Variants in SMG6 observed in about 807,000 individuals in gnomAD.
SMG6 encodes the protein SMG6 nonsense mediated mRNA decay factor.
A neutral mutation model predicts 142.2 loss-of-function variants in SMG6; 66 were observed. The observed-to-expected ratio is 0.46, with a 90% CI of 0.38 to 0.57. The LOEUF is 0.57. Among genes scored for constraint, SMG6 ranks in the 20% least tolerant of loss-of-function variants. The pLI, the probability that SMG6 is intolerant of heterozygous loss-of-function variation, is 0.00. For missense variants in SMG6, 1,793 were observed against 1,832.0 expected, an observed-to-expected ratio of 0.98 and a Z score of 0.39; for synonymous variants, 779 against 702.4, an observed-to-expected ratio of 1.11 and a Z score of -1.72.
chr17:2,256,937 A>G (rs573982933), intron 8 of SMG6, among the ~76,000 whole-genome samples: 1 of 150,014 alleles, frequency 6.7e-6, no homozygotes, highest in East Asian at 2.0e-4. Context: ...GTAATGTGGC[A>G]AAACCCAGAC....
At chr17:2,238,197 C>A (rs1044273421) in intron 9 of SMG6, among the ~76,000 whole-genome samples, 1 of 152,076 alleles carries the variant, frequency 6.6e-6, no homozygotes, top group Admixed American at 6.5e-5. Context: ...CCCCTGGTGC[C>A]CAGAAGTCGT....
chr17:2,170,070 G>C (rs528646856), intron 13 of SMG6, among the ~76,000 whole-genome samples: 6 of 152,318 alleles, frequency 3.9e-5, no homozygotes, highest in Non-Finnish European at 7.4e-5. Context: ...CATTTACCAA[G>C]ATGGGGAAGG....
At chr17:2,148,363 C>T (rs994034517) in intron 13 of SMG6, among the ~76,000 whole-genome samples, 88 of 152,144 alleles carry the variant, frequency 5.8e-4, no homozygotes, top group African/African-American at 2.1e-3. Context: ...CCCAAGTGTC[C>T]ATCAACAGGT....
At chr17:2,087,552 G>C in intron 13 of SMG6, 1 of 1,019,984 alleles carries the variant, frequency 9.8e-7, no homozygotes, top group South Asian at 3.7e-5. Flanking sequence ...GAAGGTTCTC[G>C]GCTACCCAGA....
intron 8 of SMG6, among the ~76,000 whole-genome samples, chr17:2,255,403 CAAAAAAAAAAA>C (rs60136702): frequency 1.4e-5 from 1 of 73,598 alleles, no homozygotes; most frequent in Non-Finnish European, 2.6e-5. Context: ...GACTCCGTCT[CAAAAAAAAAAA>C]AAAAAAAAAA....
At chr17:2,101,755 T>C (rs974346359) in intron 13 of SMG6, 2 of 152,130 alleles carry the variant, frequency 1.3e-5, no homozygotes, top group Non-Finnish European at 2.9e-5. Context: ...CACAACCTCA[T>C]GAAGTAGATA....
chr17:2,074,680 T>TC (rs1425382074), intron 15 of SMG6, among the ~76,000 whole-genome samples: 1 of 152,236 alleles, frequency 6.6e-6, no homozygotes, highest in African/African-American at 2.4e-5. Flanking sequence ...TCTTGCAGTT[T>TC]CCATTGTCAT....
At chr17:2,109,386 C>G (rs982966294) in intron 13 of SMG6, among the ~76,000 whole-genome samples, 2 of 152,098 alleles carry the variant, frequency 1.3e-5, no homozygotes, top group Non-Finnish European at 2.9e-5. Flanking sequence ...GCCTCAGCCT[C>G]GTAAGTAGCT....
In SMG6 at chr17:2,085,678, G is replaced by C. The variant is rs757307027; in HGVS notation, c.3534+47C>G. On this transcript the variant is annotated intron_variant, in intron 14 of 18. Transcript: ENST00000263073. This position sits in a 1 kb window ranked among gnomAD's most constrained non-coding sequence, Gnocchi z 4.1. Reference sequence around the variant, plus strand: ...AAAAGCTGAAGCCACGAGCAGAATGGGGAGGGGGCCTTCCCTCTGCCACAG... The same window carrying C: ...AAAAGCTGAAGCCACGAGCAGAATGCGGAGGGGGCCTTCCCTCTGCCACAG... 6.4e-7 allele frequency: 1 copy of C among 1,562,610 alleles called. No individual in the cohort carries two copies. Among genetic ancestry groups the C allele is most frequent in the Non-Finnish European group, 8.7e-7 (1 of 1,149,078 alleles).
Position 2,061,549 on chromosome 17 carries a change from T to C in SMG6, c.4203A>G (p.Thr1401=). 5 of 1,574,124 alleles carry C rather than the reference T, an allele frequency of 3.2e-6. No individual in the cohort carries two copies. The highest frequency in any genetic ancestry group is 2.3e-5 in the East Asian group (1 of 42,574). The change falls in exon 19 of 19, where the codon ACA becomes ACG. Residue 1401 remains threonine, a synonymous_variant. Coordinates refer to ENST00000263073, the MANE Select transcript of SMG6 (RefSeq NM_017575.5). ...DDRNLRVKAL[T]RNVPVRDIPA... Reference sequence around the variant, plus strand: ...GGATGTCCCGTACAGGAACATTCCTTGTGAGCGCCTTCACACGCAGGTTCC... The same window carrying C: ...GGATGTCCCGTACAGGAACATTCCTCGTGAGCGCCTTCACACGCAGGTTCC...
intron 8 of SMG6, chr17:2,266,101 TG>T: frequency 1.0e-6 from 1 of 985,432 alleles, no homozygotes; most frequent in Non-Finnish European, 1.2e-6. Context: ...CTGTTCACCA[TG>T]CGTGCCACTC....
rs770309657 is a variant in SMG6, at chr17:2,186,678, A to G, written c.3140T>C (p.Leu1047Pro). ...GTCAACTCACTGCGAGGGCAGATCC[A>G]GGGATGTGGGAGGAGGATTCCAGGT... Reference protein sequence around the residue: ...PDTWNPPPTSLDLPSHVAVDV... With the variant: ...PDTWNPPPTSPDLPSHVAVDV... The change falls in exon 12 of 19, where the codon CTG (leucine) becomes CCG (proline). Residue 1047 changes from leucine (L) to proline (P), a missense_variant. Coordinates refer to ENST00000263073, the MANE Select transcript of SMG6 (RefSeq NM_017575.5). The G allele has an allele frequency of 2.5e-6, 4 of 1,614,122 alleles. No homozygotes were observed. The East Asian group carries it at 6.7e-5, about 27-fold the overall frequency.
At chr17:2,121,638 T>C (rs1350505380) in intron 13 of SMG6, among the ~76,000 whole-genome samples, 1 of 62,120 alleles carries the variant, frequency 1.6e-5, no homozygotes, top group Non-Finnish European at 3.6e-5. Context: ...TGTGTGTGTG[T>C]GTGTGTGTAG....
At chr17:2,282,279 T>C (rs2151378867) in intron 8 of SMG6, among the ~76,000 whole-genome samples, 1 of 151,258 alleles carries the variant, frequency 6.6e-6, no homozygotes, top group Admixed American at 6.6e-5. Context: ...AACCTATCCA[T>C]GCTACTTTAG....
rs369438940 is a variant in SMG6, at chr17:2,153,106, G to A, written c.3357+19552C>T. On this transcript the variant is annotated intron_variant, in intron 13 of 18. Transcript: ENST00000263073. ...GCTCTATATCAAGCTTATCCAACCC[G>A]TGGCCCACGCAGCCCAACGCAAATT... 4.6e-5 allele frequency among the ~76,000 whole-genome samples: 7 copies of A among 152,284 alleles called. No individual in the cohort carries two copies. The South Asian group carries it at 1.5e-3, about 32-fold the overall frequency.
At chr17:2,294,423 A>T (rs2075103152) in intron 4 of SMG6, among the ~76,000 whole-genome samples, 1 of 152,234 alleles carries the variant, frequency 6.6e-6, no homozygotes, top group Non-Finnish European at 1.5e-5. Flanking sequence ...CTCAGCATGA[A>T]GTCCTGGACG....
intron 6 of SMG6, among the ~76,000 whole-genome samples, chr17:2,288,849 G>A (rs573347829): frequency 5.3e-4 from 81 of 152,000 alleles, no homozygotes; most frequent in Non-Finnish European, 9.7e-4. Flanking sequence ...GGAGGCTGAG[G>A]TGGGCGGATC....
chr17:2,148,849 A>T (rs2070743951), intron 13 of SMG6, among the ~76,000 whole-genome samples: 5 of 140,236 alleles, frequency 3.6e-5, no homozygotes, highest in Non-Finnish European at 7.7e-5. Context: ...GCAGAGTAAG[A>T]CTCTGTCTCA....
At chr17:2,291,737 C>T (rs1343949880) in intron 6 of SMG6, among the ~76,000 whole-genome samples, 1 of 94,448 alleles carries the variant, frequency 1.1e-5, no homozygotes, top group African/African-American at 3.0e-5. Flanking sequence ...CCGGGTGCAG[C>T]AGTGTGTGCC....
Sources: gnomAD v4.1 joint callset for allele counts (sites outside exome capture counted in the v4.1 genomes callset) on GRCh38, gnomAD v4.1.1 for gene constraint, Gnocchi (gnomAD v3.1) non-coding constraint, MANE v1.5 for transcripts, NCBI Gene and HGNC (gene_info 2026-07-23, HGNC 2026-07-21) for gene names.